NR2C1: variants seen among roughly 807,000 people sequenced by gnomAD.
NR2C1 encodes the protein TR2 nuclear hormone receptor.
NR2C1 carries 33 observed loss-of-function variants against 74.8 expected under a neutral mutation model. The observed-to-expected ratio is 0.44, with a 90% CI of 0.33 to 0.59. The LOEUF (loss-of-function observed/expected upper bound fraction) is 0.59. Ranked by LOEUF, NR2C1 falls within the 20% of genes least tolerant of loss-of-function variation. The pLI, the probability that NR2C1 is intolerant of heterozygous loss-of-function variation, is 0.02. For synonymous variants in NR2C1, 225 were observed against 240.6 expected (o/e 0.94, Z 0.60); for missense variants, 568 against 715.6 (o/e 0.79, Z 2.35).
At chr12:95,049,032 C>A (rs757303553) in intron 9 of NR2C1, 36 bp downstream of exon 9, 2 of 1,575,894 alleles carry the variant, frequency 1.3e-6, no homozygotes, top group Non-Finnish European at 1.7e-6. Context: ...AATCAAGCAA[C>A]ACAACATACA....
Position 95,025,170 on chromosome 12 carries a change from T to A in NR2C1, c.1617A>T (p.Thr539=). 6.4e-7 allele frequency: 1 copy of A among 1,566,284 alleles called. No individual in the cohort carries two copies. Among genetic ancestry groups the A allele is most frequent in the Non-Finnish European group, 8.8e-7 (1 of 1,140,524 alleles). Residue 539 remains threonine, a synonymous_variant, in exon 13 of 14, where the codon ACA becomes ACT. Transcript: ENST00000333003. ...YVEFQDYITK[T]YPDDTYRLSR... ...GATACCTGTAGGTGTCATCTGGATATGTTTTGGTTATATAATCTTGGAATT... is the reference window on the plus strand; with the variant it reads ...GATACCTGTAGGTGTCATCTGGATAAGTTTTGGTTATATAATCTTGGAATT...
At chr12:95,062,061 C>T (rs1475133773) in intron 3 of NR2C1, among the ~76,000 whole-genome samples, 1 of 152,220 alleles carries the variant, frequency 6.6e-6, no homozygotes, top group African/African-American at 2.4e-5. Flanking sequence ...CTGTTTGTAG[C>T]ACAGGCAGCT....
intron 13 of NR2C1, 30 bp from the exon 14 acceptor site, chr12:95,022,433 A>T: frequency 6.4e-7 from 1 of 1,558,432 alleles, no homozygotes; most frequent in Non-Finnish European, 8.7e-7. Context: ...AGGGAGAGGA[A>T]CAAGGTTGTA....
At chr12:95,033,441 CA>C (rs1193348714) in intron 10 of NR2C1, among the ~76,000 whole-genome samples, 1 of 151,978 alleles carries the variant, frequency 6.6e-6, no homozygotes, top group East Asian at 1.9e-4. Flanking sequence ...CAAACAAACA[CA>C]AAAACCAAAA....
rs988473049 is a variant in NR2C1 at position 95,037,894 on chromosome 12, C to CAAA, written c.1253+2579_1253+2581dup. ...TGGGCGACAGAGCGAGCCTCCATCT[C>CAAA]AAAAAAAAAAAAAAAAAAAAAGGAA... On this transcript the variant is annotated intron_variant, in intron 10 of 13. Transcript: ENST00000333003. Among the ~76,000 whole-genome samples the CAAA allele has an allele frequency of 7.3e-3, 487 of 67,014 alleles. 5 individuals carry two copies. The highest frequency in any genetic ancestry group is 0.027 in the African/African-American group (448 of 16,820). 44.0% of individuals were successfully genotyped at this position (67,014 alleles called of 152,430 possible).
rs539503015 is a variant in NR2C1, at chr12:95,073,454, G to C, written c.-82C>G. The C allele has an allele frequency of 1.3e-5, 2 of 152,358 alleles. No homozygotes were observed. Among genetic ancestry groups the C allele is most frequent in the Non-Finnish European group, 2.9e-5 (2 of 68,106 alleles). The allele number at this position is 152,358 out of a possible 1,614,324, so 9.4% of individuals were successfully genotyped here. ...TCCCGCGGCTGCCACTCGTGGATTG[G>C]GGGGCGCTCCGGGAAGAGAGGTTGA... On this transcript the variant is annotated 5_prime_UTR_variant, in exon 1 of 14. Coordinates refer to ENST00000333003, the MANE Select transcript of NR2C1 (RefSeq NM_003297.4).
At position 95,020,811 on chromosome 12, in the gene NR2C1, T is replaced by TC. The variant is rs1294645117; in HGVS notation, c.*1417dup. 1.3e-5 allele frequency: 2 copies of TC among 152,212 alleles called. No homozygotes were observed. Among genetic ancestry groups the TC allele is most frequent in the Non-Finnish European group, 2.9e-5 (2 of 68,036 alleles). The allele number at this position is 152,212 out of a possible 1,614,324, so 9.4% of individuals were successfully genotyped here. A position where few individuals can be genotyped will look rare whatever the true frequency, so the allele number is the denominator to read the frequency against. On this transcript the variant is annotated 3_prime_UTR_variant, in exon 14 of 14. Coordinates refer to ENST00000333003, the MANE Select transcript of NR2C1 (RefSeq NM_003297.4). ...AAAGAATAAATTACTGTGGAAGACATCCGAGGAGTCTAAAATGAATTTGTT... is the reference window on the plus strand; with the variant it reads ...AAAGAATAAATTACTGTGGAAGACATCCCGAGGAGTCTAAAATGAATTTGTT...
intron 11 of NR2C1, among the ~76,000 whole-genome samples, chr12:95,030,247 A>C (rs1375974790): frequency 6.6e-6 from 1 of 152,248 alleles, no homozygotes; most frequent in Non-Finnish European, 1.5e-5. Context: ...TAGACAACTA[A>C]AAGTACATAA....
In NR2C1 at chr12:95,040,535, G is replaced by T; in HGVS notation, c.1194C>A (p.Ser398=). The T allele has an allele frequency of 6.2e-7, 1 of 1,613,862 alleles. No homozygotes were observed. The highest frequency in any genetic ancestry group is 8.5e-7 in the Non-Finnish European group (1 of 1,179,800). ...AGTGCATTGATAAGAACAGCAGTCT[G>T]GAGGCAGACTCCCCAATGTAGTGCA... ...LNVHYIGESA[S]RLLFLSMHWA... Residue 398 remains serine (S), a synonymous_variant, in exon 10 of 14, where the codon TCC becomes TCA. Coordinates refer to ENST00000333003, the MANE Select transcript of NR2C1 (RefSeq NM_003297.4).
rs550967639 is a variant in NR2C1, at chr12:95,047,023, G to A, written c.1131+2045C>T. Among the ~76,000 whole-genome samples, 103 of 152,266 alleles carry A rather than the reference G, an allele frequency of 6.8e-4. 1 individual carries two copies. Among genetic ancestry groups the A allele is most frequent in the Non-Finnish European group, 1.3e-3 (86 of 68,008 alleles). On this transcript the variant is annotated intron_variant, in intron 9 of 13. Transcript: ENST00000333003. The stretch of plus-strand genomic sequence containing the variant: ...AAGTTGTAATTTGCCAAATTCTTCT[G>A]TCCAAAACATTTCAAGCAATCAAAA...
intron 10 of NR2C1, among the ~76,000 whole-genome samples, chr12:95,033,021 C>G (rs1482216746): frequency 6.6e-6 from 1 of 151,824 alleles, no homozygotes; most frequent in East Asian, 1.9e-4. Context: ...ATAGTCCCAG[C>G]TACTCAGGAG....
chr12:95,020,497 A>G lies in NR2C1; in HGVS notation c.*1732T>C, dbSNP rs1274466116. ...ACTAAATGTAATTTAGCTGATAATT[A>G]TAAATAAAATTGTTGACTAAGATCA... On this transcript the variant is annotated 3_prime_UTR_variant, in exon 14 of 14. Transcript: ENST00000333003. 3 of 152,192 alleles carry G rather than the reference A, an allele frequency of 2.0e-5. No individual in the cohort carries two copies. The highest frequency in any genetic ancestry group is 6.5e-5 in the Admixed American group (1 of 15,282). The allele number at this position is 152,192 out of a possible 1,614,324, so 9.4% of individuals were successfully genotyped here. A position where few individuals can be genotyped will look rare whatever the true frequency, so the allele number is the denominator to read the frequency against.
At position 95,066,537 on chromosome 12, in the gene NR2C1, T is replaced by TC. The variant is rs368491754; in HGVS notation, c.54+793dup. On this transcript the variant is annotated intron_variant, in intron 2 of 13. Coordinates refer to ENST00000333003, the MANE Select transcript of NR2C1 (RefSeq NM_003297.4). ...ACCCTTTTCAAACTGTGAAAGTTGT[T>TC]CGACACTACATCAACTCAACAAGTG... 5.5e-4 allele frequency among the ~76,000 whole-genome samples: 83 copies of TC among 152,290 alleles called. 1 individual carries two copies. Among genetic ancestry groups the TC allele is most frequent in the African/African-American group, 1.6e-3 (67 of 41,562 alleles).
At chr12:95,065,555 A>T (rs1284861915) in intron 2 of NR2C1, among the ~76,000 whole-genome samples, 1 of 152,170 alleles carries the variant, frequency 6.6e-6, no homozygotes, top group East Asian at 1.9e-4. Context: ...CAGGCAATAC[A>T]TAATAATCAC....
In NR2C1 at chr12:95,059,998, A is replaced by G. The variant is rs1874534220; in HGVS notation, c.286-14T>C. 1 of 1,551,362 alleles carries G rather than the reference A, an allele frequency of 6.4e-7. No individual in the cohort carries two copies. The highest frequency in any genetic ancestry group is 8.6e-7 in the Non-Finnish European group (1 of 1,158,298). ...ATCTGTTAGGAGCTAAAAAAAAAAA[A>G]AAAAAAAAAGAAAACAAAAACGAAA... On this transcript the variant is annotated splice_polypyrimidine_tract_variant and intron_variant, in intron 3 of 13. Coordinates refer to ENST00000333003, the MANE Select transcript of NR2C1 (RefSeq NM_003297.4).
intron 10 of NR2C1, among the ~76,000 whole-genome samples, chr12:95,038,051 G>A (rs772480103): frequency 3.0e-4 from 46 of 152,014 alleles, no homozygotes; most frequent in Non-Finnish European, 4.3e-4. Context: ...TCTAGATAGG[G>A]ATAAAAAATA....
Position 95,065,057 on chromosome 12 carries a change from C to T in NR2C1, c.54+2274G>A, listed in dbSNP as rs1421463679. Among the ~76,000 whole-genome samples the T allele has an allele frequency of 5.3e-5, 8 of 152,182 alleles. 1 individual carries two copies. The highest frequency in any genetic ancestry group is 5.2e-4 in the Admixed American group (8 of 15,278). On this transcript the variant is annotated intron_variant, in intron 2 of 13. Coordinates refer to ENST00000333003, the MANE Select transcript of NR2C1 (RefSeq NM_003297.4). ...AATGAGTAAAAGGACATTACTGCAGCATAATAATTGTAATAATTGAATATT... is the reference window on the plus strand; with the variant it reads ...AATGAGTAAAAGGACATTACTGCAGTATAATAATTGTAATAATTGAATATT...
chr12:95,057,703 C>G (rs1014454821), intron 6 of NR2C1, 28 bp downstream of exon 6: 3 of 1,612,544 alleles, frequency 1.9e-6, no homozygotes, highest in African/African-American at 1.3e-5. Context: ...ACAAAATGAC[C>G]AGCTACTCAG....
chr12:95,060,410 T>C (rs199531581), intron 3 of NR2C1, among the ~76,000 whole-genome samples: 1 of 152,168 alleles, frequency 6.6e-6, no homozygotes, highest in African/African-American at 2.4e-5. Flanking sequence ...TCCCAGCACT[T>C]TGGGAGGCTG....
Sources: allele counts gnomAD v4.1 joint callset (sites outside exome capture counted in the v4.1 genomes callset), GRCh38; gene constraint gnomAD v4.1.1; transcripts MANE v1.5; gene names NCBI Gene and HGNC (gene_info 2026-07-23, HGNC 2026-07-21).